The following NCOR2 variants were observed in gnomAD, a reference collection of about 807,000 sequenced individuals.
NCOR2 encodes the protein CTG repeat protein 26.
Under a neutral mutation model 262.9 loss-of-function variants are expected in NCOR2, and 81 were observed. That is an observed-to-expected ratio of 0.31 (90% CI 0.26 to 0.37). The LOEUF (loss-of-function observed/expected upper bound fraction) is 0.37, where lower values mean the gene tolerates loss of function less well. Among genes scored for constraint, NCOR2 ranks in the 10% least tolerant of loss-of-function variants. NCOR2 has a pLI of 1.00. For missense variants in NCOR2, 3,385 were observed against 3,621.4 expected (o/e 0.93, Z 1.68); for synonymous variants, 1,659 against 1,559.3 (o/e 1.06, Z -1.51).
At chr12:124,333,545 G>A (rs541054255) in intron 41 of NCOR2, among the ~76,000 whole-genome samples, 3 of 152,134 alleles carry the variant, frequency 2.0e-5, no homozygotes, top group East Asian at 3.9e-4. Context: ...CTGGCCCATG[G>A]GCCACAGTTT....
chr12:124,481,282 A>G lies in NCOR2; in HGVS notation c.411+2314T>C, dbSNP rs1453671038. Among the ~76,000 whole-genome samples the G allele has an allele frequency of 2.0e-5, 3 of 152,092 alleles. No homozygotes were observed. Among genetic ancestry groups the G allele is most frequent in the African/African-American group, 7.2e-5 (3 of 41,418 alleles). ...GGGGTACCCGAGGGGGCAGTGCCCG[A>G]GAGGAACTGGCATCGACACCAGTCC... On this transcript the variant is annotated intron_variant, in intron 3 of 46. Coordinates refer to ENST00000405201, the Ensembl canonical transcript of NCOR2. This position sits in a 1 kb window ranked among gnomAD's most constrained non-coding sequence, Gnocchi z 4.6.
At position 124,440,324 on chromosome 12, in the gene NCOR2, G is replaced by A. The variant is rs1274257551; in HGVS notation, c.816-2328C>T. The stretch of plus-strand genomic sequence containing the variant: ...CCCCAGGCTCTGACGGACGAGTGAA[G>A]CCTCATGGGGCTCAAGGGCCTGGAA... On this transcript the variant is annotated intron_variant, in intron 7 of 46. Transcript: ENST00000405201. This position sits in a 1 kb window ranked among gnomAD's most constrained non-coding sequence, Gnocchi z 5.7. Among the ~76,000 whole-genome samples, 1 of 152,190 alleles carries A rather than the reference G, an allele frequency of 6.6e-6. No homozygotes were observed. The highest frequency in any genetic ancestry group is 1.5e-5 in the Non-Finnish European group (1 of 68,038).
At position 124,495,203 on chromosome 12, in the gene NCOR2, G is replaced by T. The variant is rs199718897; in HGVS notation, c.49C>A (p.Pro17Thr). The change falls in exon 1 of 47, where the codon CCC becomes ACC. Residue 17 changes from proline to threonine, a missense_variant. This residue lies in a region of NCOR2 where 237 missense variants were observed against 229.4 expected (regional missense o/e 1.03). Transcript: ENST00000405201. This position sits in a 1 kb window ranked among gnomAD's most constrained non-coding sequence, Gnocchi z 4.4. Reference sequence around the variant, plus strand: ...GAAAGGCTGTGGGGCGGGTAGCGGGGCTCAGTGGCCCTCCACGTCTGTGCC... The same window carrying T: ...GAAAGGCTGTGGGGCGGGTAGCGGGTCTCAGTGGCCCTCCACGTCTGTGCC... 14 of 1,613,780 alleles carry T rather than the reference G, an allele frequency of 8.7e-6. No homozygotes were observed. The highest frequency in any genetic ancestry group is 1.2e-5 in the Non-Finnish European group (14 of 1,179,958).
intron 7 of NCOR2, among the ~76,000 whole-genome samples, chr12:124,442,664 T>C (rs1004115290): frequency 1.3e-5 from 2 of 152,220 alleles, no homozygotes; most frequent in African/African-American, 4.8e-5. Flanking sequence ...ACTTTGGGGT[T>C]TGCAGGTGGT....
chr12:124,369,622 A>G (rs1370201499), intron 20 of NCOR2, among the ~76,000 whole-genome samples: 1 of 151,950 alleles, frequency 6.6e-6, no homozygotes, highest in African/African-American at 2.4e-5. Flanking sequence ...GGACGAGGTC[A>G]GCAGGCTGGC....
chr12:124,537,007 G>T (rs900915384), upstream of NCOR2, among the ~76,000 whole-genome samples: 1 of 152,230 alleles, frequency 6.6e-6, no homozygotes, highest in South Asian at 2.1e-4. Flanking sequence ...AGGAATCTGA[G>T]ACTCAGGCTG....
intron 41 of NCOR2, among the ~76,000 whole-genome samples, chr12:124,333,897 C>CGCATGTGTGTGT (rs1593091151): frequency 1.1e-4 from 14 of 123,604 alleles, no homozygotes; most frequent in East Asian, 2.5e-4. Flanking sequence ...TGTGTGTGTG[C>CGCATGTGTGTGT]GCGCGCATGT....
chr12:124,544,415 G>C (rs1366186803), intron 1 of NCOR2, among the ~76,000 whole-genome samples: 1 of 152,254 alleles, frequency 6.6e-6, no homozygotes, highest in South Asian at 2.1e-4. Context: ...CCGCCCAGGA[G>C]CAGGGTCTGG....
intron 1 of NCOR2, among the ~76,000 whole-genome samples, chr12:124,490,321 A>C (rs1262331506): frequency 6.6e-6 from 1 of 152,154 alleles, no homozygotes; most frequent in African/African-American, 2.4e-5. Flanking sequence ...CAGCTCCCTG[A>C]GACAAGGATG....
Position 124,326,508 on chromosome 12 carries a change from C to T in NCOR2, c.7184-138G>A. 5 of 842,906 alleles carry T rather than the reference C, an allele frequency of 5.9e-6. No homozygotes were observed. The South Asian group carries it at 1.4e-4, about 24-fold the overall frequency. The allele number at this position is 842,906 out of a possible 1,614,324, so 52.2% of individuals were successfully genotyped here. ...AGGGAGAGCAGTAACGTGAACCCCT[C>T]CTCCCTGCTGCCCGCCCCAGCTGGG... is the stretch of plus-strand genomic sequence containing the variant. On this transcript the variant is annotated intron_variant, in intron 45 of 46. Coordinates refer to ENST00000405201, the Ensembl canonical transcript of NCOR2.
chr12:124,411,456 G>A (rs1044462821), intron 13 of NCOR2, among the ~76,000 whole-genome samples: 2 of 152,192 alleles, frequency 1.3e-5, no homozygotes, highest in Non-Finnish European at 2.9e-5. Flanking sequence ...CTGGAGCCCA[G>A]GACGGGCTGT....
At position 124,340,679 on chromosome 12, in the gene NCOR2, G is replaced by T. The variant is rs1210575778; in HGVS notation, c.5261C>A (p.Ala1754Asp). 2.6e-6 allele frequency: 4 copies of T among 1,522,970 alleles called. No homozygotes were observed. Among genetic ancestry groups the T allele is most frequent in the Non-Finnish European group, 3.5e-6 (4 of 1,145,036 alleles). 94.3% of individuals were successfully genotyped at this position (1,522,970 alleles called of 1,614,324 possible). ...GGGGAGGTAGGCAAGGCGGTCCATG[G>T]CGGTGGCTGGGGTGCCTGGTGTCGG... Residue 1754 changes from alanine to aspartate, a missense_variant, in exon 35 of 47, where the codon GCC becomes GAC. By Grantham distance (126) the Ala-to-Asp change is moderately radical. Around this residue, in one of 5 missense-constraint regions of NCOR2, gnomAD observed 1,615 missense variants for 1,626.9 expected, o/e 0.99. Transcript: ENST00000405201.
In NCOR2 at chr12:124,567,295, G is replaced by C. The variant is rs1240799371; in HGVS notation, c.-165+13C>G. ...CCCCCCGCCCTTCGCGGGGACCCTC[G>C]GCCCCAACTCACCTCGCGGAGGTGG... On this transcript the variant is annotated intron_variant, in intron 1 of 32. Transcript: ENST00000458234. 2.6e-5 allele frequency: 4 copies of C among 151,882 alleles called. No homozygotes were observed. The highest frequency in any genetic ancestry group is 2.6e-4 in the Admixed American group (4 of 15,260). The allele number at this position is 151,882 out of a possible 1,614,324, so 9.4% of individuals were successfully genotyped here.
intron 18 of NCOR2, among the ~76,000 whole-genome samples, chr12:124,376,024 C>T (rs1203360990): frequency 1.3e-5 from 2 of 152,146 alleles, no homozygotes; most frequent in African/African-American, 2.4e-5. Flanking sequence ...CTGGCTGGGC[C>T]GGCAGACCCC....
chr12:124,464,156 G>A (rs1164467262), intron 5 of NCOR2, among the ~76,000 whole-genome samples: 1 of 151,552 alleles, frequency 6.6e-6, no homozygotes, highest in Non-Finnish European at 1.5e-5. Flanking sequence ...TCCTTTTCCT[G>A]AAAAAAGGGT....
intron 6 of NCOR2, among the ~76,000 whole-genome samples, chr12:124,451,933 A>G (rs1304725548): frequency 6.9e-6 from 1 of 144,668 alleles, no homozygotes; most frequent in African/African-American, 2.6e-5. Context: ...TTCCCCCTGT[A>G]GCCCCAGATC....
Position 124,326,289 on chromosome 12 carries a change from TC to T in NCOR2, c.7264del (p.Asp2422ThrfsTer43). Reference sequence around the variant, plus strand: ...CACTGAGGAGACAGAGGGTGGCCGGTCCCCAGATGCCAGGCCCGGGGCCGGG... The same window carrying T: ...CACTGAGGAGACAGAGGGTGGCCGGTCCCAGATGCCAGGCCCGGGGCCGGG... On this transcript the variant is annotated frameshift_variant, in exon 46 of 47. Transcript: ENST00000405201. LOFTEE classifies it high-confidence loss of function. The T allele has an allele frequency of 6.4e-7, 1 of 1,567,406 alleles. No individual in the cohort carries two copies.
chr12:124,388,756 CG>C, intron 16 of NCOR2: 1 of 1,304,096 alleles, frequency 7.7e-7, no homozygotes, highest in Non-Finnish European at 1.0e-6. Context: ...CCCCAGGGAG[CG>C]GGCCGAAGTG....
At chr12:124,387,535 C>T (rs369342021) in intron 16 of NCOR2, among the ~76,000 whole-genome samples, 4 of 152,340 alleles carry the variant, frequency 2.6e-5, no homozygotes, top group South Asian at 2.1e-4. Context: ...TCCTGCCCTC[C>T]GGGTCCTCTG....
Sources: gnomAD v4.1 joint callset for allele counts (sites outside exome capture counted in the v4.1 genomes callset) on GRCh38, gnomAD v4.1.1 for gene constraint, gnomAD v4.1.1 regional missense constraint, Gnocchi (gnomAD v3.1) non-coding constraint, MANE v1.5 for transcripts, NCBI Gene and HGNC (gene_info 2026-07-23, HGNC 2026-07-21) for gene names.